The following TBL1XR1 variants were observed in gnomAD, a reference collection of about 807,000 sequenced individuals.
TBL1XR1 encodes F-box-like/WD repeat-containing protein TBL1XR1.
TBL1XR1 carries 5 observed loss-of-function variants against 66.9 expected under a neutral mutation model. The ratio of observed to expected loss-of-function variants is 0.07; its 90% CI spans 0.04 to 0.16. The LOEUF is 0.16. TBL1XR1 is among the 10% of genes least tolerant of loss of function. The probability of loss-of-function intolerance (pLI) is 1.00; values close to 1 mark genes in which losing one functional copy is unlikely to be tolerated. For missense variants in TBL1XR1, 238 were observed against 623.2 expected (o/e 0.38, Z 6.58); for synonymous variants, 210 against 206.0 (o/e 1.02, Z -0.17).
At chr3:177,129,328 T>G (rs1055576780) in intron 1 of TBL1XR1, among the ~76,000 whole-genome samples, 1 of 152,174 alleles carries the variant, frequency 6.6e-6, no homozygotes, top group Admixed American at 6.5e-5. Context: ...GGATACAGAA[T>G]GTAAACAGCT....
chr3:177,193,043 C>T lies in TBL1XR1; in HGVS notation c.-122+4078G>A, dbSNP rs187244162. The stretch of plus-strand genomic sequence containing the variant: ...TGGCAAGCACCTGTAATCCCAGCTA[C>T]TTGGGAGGCTGAGGCAGGAGAATCA... On this transcript the variant is annotated intron_variant, in intron 1 of 15. Transcript: ENST00000457928. Among the ~76,000 whole-genome samples, 516 of 151,954 alleles carry T rather than the reference C, an allele frequency of 3.4e-3. 4 individuals carry two copies. The highest frequency in any genetic ancestry group is 5.3e-3 in the Non-Finnish European group (357 of 67,944).
rs541119824 is a variant in TBL1XR1 at position 177,102,378 on chromosome 3, C to A, written c.-121-3837G>T. Among the ~76,000 whole-genome samples the A allele has an allele frequency of 1.1e-4, 17 of 152,292 alleles. No homozygotes were observed. The South Asian group carries it at 3.3e-3, about 30-fold the overall frequency. ...TCTGGAAAATTTCTAGAAACATACG[C>A]AGGACCATATTTTTTTATTTCTTAG... is the stretch of plus-strand genomic sequence containing the variant. On this transcript the variant is annotated intron_variant, in intron 1 of 15. Coordinates refer to ENST00000457928, the MANE Select transcript of TBL1XR1 (RefSeq NM_024665.7).
chr3:177,173,946 CTTTTA>C (rs1305036425), intron 1 of TBL1XR1, among the ~76,000 whole-genome samples: 2 of 152,102 alleles, frequency 1.3e-5, no homozygotes, highest in African/African-American at 4.8e-5. Context: ...ATTCTAATGA[CTTTTA>C]TATTAATGTA....
intron 2 of TBL1XR1, among the ~76,000 whole-genome samples, chr3:177,065,617 A>C (rs1719054593): frequency 6.6e-6 from 1 of 152,254 alleles, no homozygotes; most frequent in South Asian, 2.1e-4. Context: ...GGACATACTT[A>C]AACCTTAACA....
At chr3:177,083,308 AAT>A (rs1721674843) in intron 2 of TBL1XR1, among the ~76,000 whole-genome samples, 2 of 149,978 alleles carry the variant, frequency 1.3e-5, no homozygotes, top group South Asian at 4.4e-4. Context: ...ATCCCCTCCA[AAT>A]GTCTGTATTA....
At chr3:177,112,092 TATATATA>T (rs1437599463) in intron 1 of TBL1XR1, among the ~76,000 whole-genome samples, 6 of 47,694 alleles carry the variant, frequency 1.3e-4, no homozygotes, top group Non-Finnish European at 1.8e-4. Flanking sequence ...TATATATATA[TATATATA>T]TATATATATT....
At position 177,053,956 on chromosome 3, in the gene TBL1XR1, T is replaced by C. The variant is rs546814656; in HGVS notation, c.59-38A>G. The C allele has an allele frequency of 7.7e-5, 121 of 1,577,184 alleles. 1 individual carries two copies. In the South Asian group the frequency reaches 1.3e-3, roughly 16 times the overall value. On this transcript the variant is annotated intron_variant, in intron 3 of 15. Coordinates refer to ENST00000457928, the MANE Select transcript of TBL1XR1 (RefSeq NM_024665.7). ...GAAAAGGCATGAGAATTTATTTTCC[T>C]AGTGGCAACATGCTAAATGACACAG...
At chr3:177,108,664 A>G (rs1725178047) in intron 1 of TBL1XR1, among the ~76,000 whole-genome samples, 1 of 152,246 alleles carries the variant, frequency 6.6e-6, no homozygotes, top group East Asian at 1.9e-4. Flanking sequence ...GGTTAAAAAT[A>G]GTATAGTATT....
chr3:177,124,631 T>C (rs959454030), intron 1 of TBL1XR1, among the ~76,000 whole-genome samples: 13 of 152,066 alleles, frequency 8.5e-5, no homozygotes, highest in African/African-American at 3.1e-4. Context: ...GTGTGACCTA[T>C]CAATTTCAAA....
chr3:177,155,398 ATTTC>A (rs1405601089), intron 1 of TBL1XR1, among the ~76,000 whole-genome samples: 3 of 152,334 alleles, frequency 2.0e-5, no homozygotes, highest in African/African-American at 4.8e-5. Flanking sequence ...TAAGCTAATA[ATTTC>A]TTTAAGAAAT....
At chr3:177,075,460 A>T (rs142581454) in intron 2 of TBL1XR1, among the ~76,000 whole-genome samples, 1 of 152,382 alleles carries the variant, frequency 6.6e-6, no homozygotes, top group East Asian at 1.9e-4. Context: ...GCACCTCAAC[A>T]TATCTTTGTG....
chr3:177,149,370 A>G (rs189391312), intron 1 of TBL1XR1, among the ~76,000 whole-genome samples: 17 of 152,280 alleles, frequency 1.1e-4, no homozygotes, highest in Admixed American at 1.0e-3. Flanking sequence ...TGAACCACCT[A>G]ATATTCAATA....
intron 2 of TBL1XR1, among the ~76,000 whole-genome samples, chr3:177,085,650 G>GTA (rs1489558034): frequency 6.6e-6 from 1 of 152,148 alleles, no homozygotes; most frequent in Non-Finnish European, 1.5e-5. Context: ...ACAATAGGAT[G>GTA]TATAGGAAAA....
At chr3:177,130,497 A>G (rs1052334472) in intron 1 of TBL1XR1, among the ~76,000 whole-genome samples, 7 of 152,344 alleles carry the variant, frequency 4.6e-5, no homozygotes, top group African/African-American at 1.7e-4. Context: ...TGGGAAATAC[A>G]TTGGGAGACA....
intron 1 of TBL1XR1, among the ~76,000 whole-genome samples, chr3:177,161,181 A>G (rs1263428635): frequency 6.6e-6 from 1 of 152,096 alleles, no homozygotes; most frequent in East Asian, 1.9e-4. Context: ...GTTATAGTCT[A>G]ATTTGTTTTC....
At chr3:177,172,795 CA>C (rs1733722959) in intron 1 of TBL1XR1, among the ~76,000 whole-genome samples, 1 of 151,832 alleles carries the variant, frequency 6.6e-6, no homozygotes, top group African/African-American at 2.4e-5. Flanking sequence ...AATTATTGGA[CA>C]AAACTTTCAA....
chr3:177,200,795 C>A (rs140010621), upstream of TBL1XR1, among the ~76,000 whole-genome samples: 889 of 152,192 alleles, frequency 5.8e-3, 10 homozygotes, highest in Non-Finnish European at 9.4e-3. Flanking sequence ...CACTTGAGGT[C>A]GGGAGTTCAA....
At chr3:177,159,653 A>T (rs548772780) in intron 1 of TBL1XR1, among the ~76,000 whole-genome samples, 1 of 152,312 alleles carries the variant, frequency 6.6e-6, no homozygotes, top group East Asian at 1.9e-4. Flanking sequence ...TCAGGTAGGA[A>T]AAGAAAAAAG....
intron 2 of TBL1XR1, among the ~76,000 whole-genome samples, chr3:177,083,396 T>G (rs1721691925): frequency 6.6e-6 from 1 of 152,228 alleles, no homozygotes; most frequent in South Asian, 2.1e-4. Context: ...TTGCTTTTAT[T>G]TATTCATATT....
Sources: gnomAD v4.1 joint callset for allele counts (sites outside exome capture counted in the v4.1 genomes callset) on GRCh38, gnomAD v4.1.1 for gene constraint, MANE v1.5 for transcripts, NCBI Gene and HGNC (gene_info 2026-07-23, HGNC 2026-07-21) for gene names.